Variants in ENTPD7 observed in about 807,000 individuals in gnomAD.
ENTPD7 encodes NTPDase 7.
ENTPD7 carries 53 observed loss-of-function variants against 77.9 expected under a neutral mutation model. The observed-to-expected ratio is 0.68, with a 90% CI of 0.55 to 0.85. The LOEUF is 0.85. Ranked by LOEUF, ENTPD7 falls within the 40% of genes least tolerant of loss-of-function variation. The pLI, the probability that ENTPD7 is intolerant of heterozygous loss-of-function variation, is 0.00. For synonymous variants in ENTPD7, 248 were observed against 274.9 expected, an observed-to-expected ratio of 0.90 and a Z score of 0.97; for missense variants, 636 against 743.7, an observed-to-expected ratio of 0.86 and a Z score of 1.68.
Position 99,702,685 on chromosome 10 carries a change from C to T in ENTPD7, c.1583+12C>T, listed in dbSNP as rs147062890. On this transcript the variant is annotated intron_variant, in intron 12 of 12. Transcript: ENST00000370489. ...TTCTTACCACTCAGGTAAAGTAAGA[C>T]TGACCAATCTGGTATCTTGAGCTCA... 1.3e-4 allele frequency: 211 copies of T among 1,595,882 alleles called. 1 individual carries two copies. In the East Asian group the frequency reaches 4.7e-3, roughly 36 times the overall value.
chr10:99,692,285 C>A (rs1409086273), intron 8 of ENTPD7, among the ~76,000 whole-genome samples: 1 of 152,212 alleles, frequency 6.6e-6, no homozygotes, highest in Non-Finnish European at 1.5e-5. Flanking sequence ...CATATGATAT[C>A]TCTTGCCTAT....
intron 2 of ENTPD7, chr10:99,660,403 TAA>T (rs78669049): frequency 8.8e-7 from 1 of 1,134,298 alleles, no homozygotes; most frequent in Non-Finnish European, 1.1e-6. Flanking sequence ...CTGAAGCTTT[TAA>T]AAAATATTAA....
intron 5 of ENTPD7, among the ~76,000 whole-genome samples, chr10:99,683,608 C>A (rs1564631134): frequency 6.6e-6 from 1 of 152,102 alleles, no homozygotes; most frequent in Non-Finnish European, 1.5e-5. Context: ...AATAAATAAA[C>A]AATATTGAAT....
chr10:99,666,740 A>G (rs1201147186), intron 3 of ENTPD7, among the ~76,000 whole-genome samples: 2 of 152,212 alleles, frequency 1.3e-5, no homozygotes, highest in East Asian at 3.8e-4. Context: ...ACATTAGCCT[A>G]CTGTTGTGCA....
At chr10:99,674,247 G>T (rs186819167) in intron 3 of ENTPD7, among the ~76,000 whole-genome samples, 1 of 152,286 alleles carries the variant, frequency 6.6e-6, no homozygotes, top group Non-Finnish European at 1.5e-5. Flanking sequence ...GAGGGTCTCT[G>T]AGACACTTTT....
At chr10:99,667,658 A>T (rs1239168531) in intron 3 of ENTPD7, among the ~76,000 whole-genome samples, 1 of 152,160 alleles carries the variant, frequency 6.6e-6, no homozygotes, top group East Asian at 1.9e-4. Context: ...CACTGTTCTC[A>T]TTTGCATGGT....
At chr10:99,704,421 T>C (rs2036206348) in intron 12 of ENTPD7, 31 bp from the exon 13 acceptor site, 1 of 1,610,350 alleles carries the variant, frequency 6.2e-7, no homozygotes, top group Admixed American at 1.7e-5. Context: ...TAACAGTTTT[T>C]TCCACCTACA....
chr10:99,685,802 G>A lies in ENTPD7; in HGVS notation c.559G>A (p.Ala187Thr). Residue 187 changes from alanine to threonine, a missense_variant, in exon 6 of 13, where the codon GCT (alanine) becomes ACT (threonine). Ala to Thr is a moderately conservative substitution (Grantham distance 58). Around this residue, in one of 3 missense-constraint regions of ENTPD7, gnomAD observed 486 missense variants for 556.5 expected, o/e 0.87. Coordinates refer to ENST00000370489, the MANE Select transcript of ENTPD7 (RefSeq NM_020354.5). ...MRLLPERKQLAILADLVKDLP... is the reference protein window; with the variant it reads ...MRLLPERKQLTILADLVKDLP... ...TGTTCTTTCTTGCAGGAAGCAGTTG[G>A]CTATCTTGGCTGACCTAGTGAAAGA... The A allele has an allele frequency of 1.9e-6, 3 of 1,613,454 alleles. No individual in the cohort carries two copies. Among genetic ancestry groups the A allele is most frequent in the Non-Finnish European group, 2.5e-6 (3 of 1,179,612 alleles).
intron 11 of ENTPD7, among the ~76,000 whole-genome samples, chr10:99,702,056 A>C (rs1429388323): frequency 3.3e-5 from 5 of 151,824 alleles, no homozygotes; most frequent in South Asian, 4.2e-4. Context: ...CTCAAAAAAA[A>C]ACAAAAATTG....
chr10:99,697,984 T>C (rs1460020630), intron 9 of ENTPD7: 1 of 157,438 alleles, frequency 6.4e-6, no homozygotes, highest in East Asian at 1.9e-4. Context: ...TTCTCCCCAC[T>C]CAGAGGCTCC....
intron 8 of ENTPD7, among the ~76,000 whole-genome samples, chr10:99,692,322 C>A (rs2133481371): frequency 6.6e-6 from 1 of 152,350 alleles, no homozygotes; most frequent in Middle Eastern, 3.4e-3. Flanking sequence ...AACCCTCCCC[C>A]TTCCAGTTGT....
At chr10:99,688,275 CT>C (rs2035838118) in intron 6 of ENTPD7, among the ~76,000 whole-genome samples, 1 of 152,186 alleles carries the variant, frequency 6.6e-6, no homozygotes, top group Non-Finnish European at 1.5e-5. Flanking sequence ...ACCCTGGTCT[CT>C]TTCCCGGTGT....
chr10:99,698,783 G>GT lies in ENTPD7; in HGVS notation c.1267dup (p.Tyr423LeufsTer48). 2.5e-6 allele frequency: 4 copies of GT among 1,614,182 alleles called. No individual in the cohort carries two copies. Among genetic ancestry groups the GT allele is most frequent in the Non-Finnish European group, 3.4e-6 (4 of 1,180,032 alleles). On this transcript the variant is annotated frameshift_variant, in exon 10 of 13. Coordinates refer to ENST00000370489, the MANE Select transcript of ENTPD7 (RefSeq NM_020354.5). LOFTEE classifies it high-confidence loss of function. ...ACAGCGAGTTCTACGGCTTCTCTGA[G>GT]TTTTTTTATTGTACAGAGGATGTGT...
rs183766876 is a variant in ENTPD7 at position 99,704,580 on chromosome 10, G to A, written c.1712G>A (p.Arg571Gln). ...VLLAIFLYLL[R>Q]LRRIHHRQTR... ...CTGGCCATCTTCCTATACCTTCTGCGGCTACGCCGAATTCACCACCGACAA... is the reference window on the plus strand; with the variant it reads ...CTGGCCATCTTCCTATACCTTCTGCAGCTACGCCGAATTCACCACCGACAA... Residue 571 changes from arginine to glutamine, a missense_variant, in exon 13 of 13, where the codon CGG (arginine) becomes CAG (glutamine). This residue lies in a region of ENTPD7 where 138 missense variants were observed against 150.9 expected (regional missense o/e 0.91). Transcript: ENST00000370489. 3 of 1,613,946 alleles carry A rather than the reference G, an allele frequency of 1.9e-6. No homozygotes were observed. The highest frequency in any genetic ancestry group is 2.5e-6 in the Non-Finnish European group (3 of 1,180,004).
Position 99,704,824 on chromosome 10 carries a change from G to A in ENTPD7, c.*141G>A, listed in dbSNP as rs547252149. 2.4e-4 allele frequency: 182 copies of A among 766,172 alleles called. 2 individuals carry two copies. In the South Asian group the frequency reaches 2.5e-3, roughly 10 times the overall value. 47.5% of individuals were successfully genotyped at this position (766,172 alleles called of 1,614,324 possible). A position where few individuals can be genotyped will look rare whatever the true frequency, so the allele number is the denominator to read the frequency against. ...TGGAATTTCTACTTTACTTTCTACC[G>A]TAATTCCTTCTCCGTACCCAGGTCT... is the stretch of plus-strand genomic sequence containing the variant. On this transcript the variant is annotated 3_prime_UTR_variant, in exon 13 of 13. Transcript: ENST00000370489.
chr10:99,697,847 T>G (rs199988650), intron 9 of ENTPD7: 1 of 152,804 alleles, frequency 6.5e-6, no homozygotes, highest in Non-Finnish European at 1.5e-5. Flanking sequence ...CCCAACTTAA[T>G]TTCTGTCCTT....
intron 8 of ENTPD7, among the ~76,000 whole-genome samples, chr10:99,694,083 C>T (rs1310184980): frequency 6.6e-6 from 1 of 152,122 alleles, no homozygotes; most frequent in Non-Finnish European, 1.5e-5. Flanking sequence ...AAGTTATGTA[C>T]ATTCACAAAG....
rs1282629184 is a variant in ENTPD7 at position 99,698,877 on chromosome 10, A to G, written c.1335+19A>G. The G allele has an allele frequency of 6.4e-7, 1 of 1,571,114 alleles. No homozygotes were observed. The highest frequency in any genetic ancestry group is 8.6e-7 in the Non-Finnish European group (1 of 1,158,096). ...TGCTCAGGTAAATTATTAATGATAA[A>G]CATGGCTTATGCTGGCAGCAGCCAT... On this transcript the variant is annotated intron_variant, in intron 10 of 12. Transcript: ENST00000370489.
chr10:99,669,109 C>G (rs1280444721), intron 3 of ENTPD7, among the ~76,000 whole-genome samples: 1 of 149,042 alleles, frequency 6.7e-6, no homozygotes, highest in African/African-American at 2.5e-5. Context: ...AACTCCTAGG[C>G]TCAAGCAATC....
Sources: gnomAD v4.1 joint callset for allele counts (sites outside exome capture counted in the v4.1 genomes callset) on GRCh38, gnomAD v4.1.1 for gene constraint, gnomAD v4.1.1 regional missense constraint, MANE v1.5 for transcripts, NCBI Gene and HGNC (gene_info 2026-07-23, HGNC 2026-07-21) for gene names.